The following SEPTIN2 variants were observed in gnomAD, a reference collection of about 807,000 sequenced individuals.
SEPTIN2 encodes the protein septin 2.
Under a neutral mutation model 46.5 loss-of-function variants are expected in SEPTIN2, and 34 were observed. The observed-to-expected ratio is 0.73, with a 90% CI of 0.56 to 0.97. The LOEUF is 0.97. Ranked by LOEUF, SEPTIN2 falls within the 50% of genes least tolerant of loss-of-function variation. SEPTIN2 has a pLI of 0.00. For missense variants in SEPTIN2, 347 were observed against 448.4 expected, an observed-to-expected ratio of 0.77 and a Z score of 2.04; for synonymous variants, 175 against 153.4, an observed-to-expected ratio of 1.14 and a Z score of -1.04.
chr2:241,348,218 T>C (rs1238026081), intron 11 of SEPTIN2, 27 bp downstream of exon 11: 2 of 1,593,540 alleles, frequency 1.3e-6, no homozygotes, highest in Middle Eastern at 1.7e-4. Context: ...TATTGGTTGG[T>C]TGGTTGGTTG....
chr2:241,350,320 T>G (rs2060669036), intron 12 of SEPTIN2, 117 bp downstream of exon 12: 2 of 468,620 alleles, frequency 4.3e-6, no homozygotes, highest in Admixed American at 8.2e-5. Flanking sequence ...AGTAACTCCA[T>G]CACTAATCTT....
In SEPTIN2 at chr2:241,324,200, GTTTTT is replaced by G. The variant is rs140488346; in HGVS notation, c.-17-10_-17-6del. 2 of 1,419,036 alleles carry G rather than the reference GTTTTT, an allele frequency of 1.4e-6. No individual in the cohort carries two copies. Among genetic ancestry groups the G allele is most frequent in the African/African-American group, 1.4e-5 (1 of 69,160 alleles). The allele number at this position is 1,419,036 out of a possible 1,614,324, so 87.9% of individuals were successfully genotyped here. A position where few individuals can be genotyped will look rare whatever the true frequency, so the allele number is the denominator to read the frequency against. On this transcript the variant is annotated splice_polypyrimidine_tract_variant and intron_variant, in intron 1 of 12. Coordinates refer to ENST00000391971, the MANE Select transcript of SEPTIN2 (RefSeq NM_004404.5). ...TATGTGCGTTTATGTGTGTCTGTGTGTTTTTTTTTTAACAGACGAAGCTTCACAAA... is the reference window on the plus strand; with the variant it reads ...TATGTGCGTTTATGTGTGTCTGTGTGTTTTTAACAGACGAAGCTTCACAAA...
At chr2:241,325,969 T>C (rs371971996) in intron 2 of SEPTIN2, 24 bp from the exon 3 acceptor site, 2 of 1,604,054 alleles carry the variant, frequency 1.2e-6, no homozygotes, top group Non-Finnish European at 1.7e-6. Context: ...TTTATTAGTT[T>C]GTTTGTTTTT....
chr2:241,321,930 C>G (rs538640105), intron 1 of SEPTIN2, among the ~76,000 whole-genome samples: 3 of 152,252 alleles, frequency 2.0e-5, no homozygotes, highest in Admixed American at 6.5e-5. Flanking sequence ...TTCTCTTTCC[C>G]TTTAGGAAGT....
chr2:241,337,554 A>G lies in SEPTIN2; in HGVS notation c.476+38A>G, dbSNP rs1422376060. On this transcript the variant is annotated intron_variant, in intron 6 of 12. Transcript: ENST00000391971. ...TTATCGTGGAGAAATGCTTTACTAC[A>G]TGGGTTTGTAAGTTTTACCCAAACT... is the stretch of plus-strand genomic sequence containing the variant. 7 of 1,607,588 alleles carry G rather than the reference A, an allele frequency of 4.4e-6. 1 individual carries two copies. The highest frequency in any genetic ancestry group is 2.2e-5 in the South Asian group (2 of 90,158).
chr2:241,335,892 C>G, intron 4 of SEPTIN2, 83 bp from the exon 5 acceptor site: 1 of 1,576,550 alleles, frequency 6.3e-7, no homozygotes, highest in Non-Finnish European at 8.7e-7. Context: ...AGGCAGTAGA[C>G]TCTGAAGTCA....
intron 1 of SEPTIN2, chr2:241,316,924 AG>A (rs1409410990): frequency 2.3e-5 from 4 of 174,510 alleles, no homozygotes; most frequent in East Asian, 3.0e-4. Context: ...AGACAGGCTT[AG>A]GTGTTTACCT....
chr2:241,320,925 G>T (rs60209440), intron 1 of SEPTIN2, among the ~76,000 whole-genome samples: 1 of 151,760 alleles, frequency 6.6e-6, no homozygotes, highest in Non-Finnish European at 1.5e-5. Flanking sequence ...TTGCTTTCTA[G>T]AGATTGCTTA....
At chr2:241,326,300 ACTTT>A (rs565017226) in intron 3 of SEPTIN2, among the ~76,000 whole-genome samples, 187 bp downstream of exon 3, 483 of 152,298 alleles carry the variant, frequency 3.2e-3, no homozygotes, top group Non-Finnish European at 5.2e-3. Flanking sequence ...TTTTTCTGTC[ACTTT>A]CTTATTTATA....
At chr2:241,316,356 G>C in intron 1 of SEPTIN2, 1 of 659,732 alleles carries the variant, frequency 1.5e-6, no homozygotes, top group Non-Finnish European at 2.4e-6. Context: ...ACAGGTTTAG[G>C]CCCGACAAAC....
At chr2:241,318,860 G>A (rs932126203) in intron 1 of SEPTIN2, among the ~76,000 whole-genome samples, 1 of 151,944 alleles carries the variant, frequency 6.6e-6, no homozygotes, top group African/African-American at 2.4e-5. Context: ...ACCACACCTG[G>A]CTAATTTTTG....
chr2:241,326,152 A>G (rs547411440), intron 3 of SEPTIN2, 39 bp downstream of exon 3: 2 of 1,576,384 alleles, frequency 1.3e-6, no homozygotes, highest in African/African-American at 1.4e-5. Context: ...TACTAAATAA[A>G]TATCTCCCCT....
chr2:241,333,280 T>C (rs2150014009), intron 3 of SEPTIN2, among the ~76,000 whole-genome samples: 1 of 152,268 alleles, frequency 6.6e-6, no homozygotes, highest in South Asian at 2.1e-4. Context: ...GAGAGACTAT[T>C]GAAGAGGAAA....
chr2:241,324,370 G>C (rs758134195), intron 2 of SEPTIN2, 129 bp downstream of exon 2: 2 of 723,576 alleles, frequency 2.8e-6, no homozygotes, highest in South Asian at 3.4e-5. Context: ...TTAACACAAA[G>C]AGTTCTAATT....
chr2:241,315,923 C>G (rs1006970697), upstream of SEPTIN2: 2 of 151,884 alleles, frequency 1.3e-5, no homozygotes, highest in Non-Finnish European at 2.9e-5. Context: ...GAGCGGACCG[C>G]GAGCGCTGGG....
intron 10 of SEPTIN2, 141 bp downstream of exon 10, chr2:241,346,390 G>T: frequency 3.7e-6 from 2 of 544,552 alleles, no homozygotes; most frequent in Admixed American, 3.5e-5. Flanking sequence ...TAAAAGAGTT[G>T]TTAATTTAAT....
chr2:241,317,242 G>A (rs1299594724), intron 1 of SEPTIN2, among the ~76,000 whole-genome samples: 2 of 152,182 alleles, frequency 1.3e-5, no homozygotes, highest in Non-Finnish European at 2.9e-5. Context: ...CCTAACTCAT[G>A]ATGTGTACTG....
chr2:241,326,688 G>T (rs1482820049), intron 3 of SEPTIN2, among the ~76,000 whole-genome samples: 1 of 152,068 alleles, frequency 6.6e-6, no homozygotes, highest in Non-Finnish European at 1.5e-5. Context: ...ACTCACTCTG[G>T]AGGAAGCCAG....
At position 241,315,955 on chromosome 2, in the gene SEPTIN2, C is replaced by G. The variant is rs886560387; in HGVS notation, c.-45C>G. On this transcript the variant is annotated 5_prime_UTR_variant, in exon 1 of 13. Transcript: ENST00000391971. ...TGGGCGGGTCCGCGGCGCGGTCGGT[C>G]GGCGCCTGTTCTCGGGCTGTTTGGC... The G allele has an allele frequency of 6.6e-6, 1 of 152,344 alleles. No individual in the cohort carries two copies. Among genetic ancestry groups the G allele is most frequent in the South Asian group, 2.1e-4 (1 of 4,836 alleles). 9.4% of individuals were successfully genotyped at this position (152,344 alleles called of 1,614,324 possible). A position where few individuals can be genotyped will look rare whatever the true frequency, so the allele number is the denominator to read the frequency against.
Sources: gnomAD v4.1 joint callset for allele counts (sites outside exome capture counted in the v4.1 genomes callset) on GRCh38, gnomAD v4.1.1 for gene constraint, MANE v1.5 for transcripts, NCBI Gene and HGNC (gene_info 2026-07-23, HGNC 2026-07-21) for gene names.